Variants in GPR39 observed in about 807,000 individuals in gnomAD.
GPR39 encodes zinc sensing receptor.
A neutral mutation model predicts 18.4 loss-of-function variants in GPR39; 23 were observed. The observed-to-expected ratio is 1.25, with a 90% confidence interval of 0.90 to 1.77. The LOEUF (loss-of-function observed/expected upper bound fraction) is 1.77. Among genes scored for constraint, GPR39 ranks in the 40% most tolerant of loss-of-function variants. The pLI is 0.00. For synonymous variants in GPR39, 280 were observed against 257.9 expected (o/e 1.09, Z -0.82); for missense variants, 647 against 602.4 (o/e 1.07, Z -0.78).
At chr2:132,487,495 C>T (rs955436349) in intron 1 of GPR39, among the ~76,000 whole-genome samples, 3 of 152,048 alleles carry the variant, frequency 2.0e-5, no homozygotes, top group East Asian at 1.9e-4. Flanking sequence ...TATTAATAGA[C>T]ACAGATTATA....
intron 1 of GPR39, among the ~76,000 whole-genome samples, chr2:132,496,030 G>A (rs1681635356): frequency 6.6e-6 from 1 of 152,142 alleles, no homozygotes; most frequent in South Asian, 2.1e-4. Flanking sequence ...AGCCATTTCA[G>A]CATCGGACTT....
At chr2:132,502,296 T>G (rs1679056304) in intron 1 of GPR39, among the ~76,000 whole-genome samples, 1 of 152,210 alleles carries the variant, frequency 6.6e-6, no homozygotes, top group African/African-American at 2.4e-5. Context: ...TCTCAGCGTT[T>G]GTTTGTTTGG....
intron 1 of GPR39, among the ~76,000 whole-genome samples, chr2:132,481,119 C>T (rs16832048): frequency 0.023 from 3,531 of 152,282 alleles, 141 homozygotes; most frequent in African/African-American, 0.081. Context: ...GAACACAATG[C>T]CCTTACCTTT....
At chr2:132,567,179 G>C (rs751827198) in intron 1 of GPR39, among the ~76,000 whole-genome samples, 1 of 152,146 alleles carries the variant, frequency 6.6e-6, no homozygotes, top group Non-Finnish European at 1.5e-5. Context: ...AAAATTAACC[G>C]GGCATGGCGG....
chr2:132,534,812 G>GGGAA (rs1206521046), intron 1 of GPR39, among the ~76,000 whole-genome samples: 5 of 151,868 alleles, frequency 3.3e-5, no homozygotes, highest in African/African-American at 9.7e-5. Flanking sequence ...ACACAGGAAG[G>GGGAA]GGAACATCAC....
intron 1 of GPR39, among the ~76,000 whole-genome samples, chr2:132,533,873 T>G (rs1375505137): frequency 2.0e-5 from 3 of 152,142 alleles, no homozygotes; most frequent in Non-Finnish European, 4.4e-5. Flanking sequence ...ATGTTAGACC[T>G]AAAACCATAA....
intron 1 of GPR39, among the ~76,000 whole-genome samples, chr2:132,573,582 G>C (rs949376390): frequency 6.6e-6 from 1 of 152,112 alleles, no homozygotes; most frequent in Non-Finnish European, 1.5e-5. Context: ...GAGCCAAAGT[G>C]GGAACAATTC....
intron 1 of GPR39, among the ~76,000 whole-genome samples, chr2:132,566,599 GA>G (rs1464098865): frequency 6.6e-6 from 1 of 152,196 alleles, no homozygotes; most frequent in African/African-American, 2.4e-5. Flanking sequence ...CATGACCCAT[GA>G]AACGTTTTTG....
intron 1 of GPR39, among the ~76,000 whole-genome samples, chr2:132,495,626 C>T (rs558136403): frequency 7.2e-5 from 11 of 152,134 alleles, no homozygotes; most frequent in Admixed American, 2.0e-4. Flanking sequence ...CCTTCCTTGC[C>T]GAACTCATCA....
intron 1 of GPR39, among the ~76,000 whole-genome samples, chr2:132,455,855 G>A (rs190689024): frequency 6.6e-5 from 10 of 152,174 alleles, no homozygotes; most frequent in African/African-American, 2.4e-4. Context: ...AGTTTGTTGT[G>A]ATTTCTCTTG....
chr2:132,591,531 T>C (rs537579715), intron 1 of GPR39, among the ~76,000 whole-genome samples: 3 of 152,298 alleles, frequency 2.0e-5, no homozygotes, highest in Admixed American at 1.3e-4. Flanking sequence ...AGAGGGCCTA[T>C]TGTGGGACTT....
intron 1 of GPR39, among the ~76,000 whole-genome samples, chr2:132,526,681 C>T (rs114412394): frequency 0.019 from 2,832 of 152,292 alleles, 38 homozygotes; most frequent in Middle Eastern, 0.031. Context: ...TGGACTTTCT[C>T]TGCTGCCTTT....
intron 1 of GPR39, among the ~76,000 whole-genome samples, chr2:132,474,051 G>A (rs1180994433): frequency 2.6e-5 from 4 of 152,186 alleles, no homozygotes; most frequent in Non-Finnish European, 2.9e-5. Flanking sequence ...AAAGCACTAC[G>A]ACATGACATC....
At chr2:132,641,889 A>G (rs1472482837) in intron 1 of GPR39, among the ~76,000 whole-genome samples, 2 of 152,246 alleles carry the variant, frequency 1.3e-5, no homozygotes, top group Non-Finnish European at 2.9e-5. Context: ...ATAGCAAACA[A>G]TATTGTGTTT....
chr2:132,529,312 G>A (rs1283277470), intron 1 of GPR39, among the ~76,000 whole-genome samples: 4 of 152,218 alleles, frequency 2.6e-5, no homozygotes, highest in East Asian at 1.9e-4. Flanking sequence ...GGGGAGGGGC[G>A]CCCGCCATTG....
intron 1 of GPR39, among the ~76,000 whole-genome samples, chr2:132,435,133 G>A (rs945238742): frequency 6.6e-6 from 1 of 152,092 alleles, no homozygotes; most frequent in African/African-American, 2.4e-5. Context: ...AGAAGGGCTG[G>A]TACCATATGG....
At chr2:132,558,169 G>A (rs558854318) in intron 1 of GPR39, among the ~76,000 whole-genome samples, 3 of 151,996 alleles carry the variant, frequency 2.0e-5, no homozygotes, top group Admixed American at 6.5e-5. Context: ...CTACAGAAGC[G>A]TCATCCTCCT....
chr2:132,569,342 A>T (rs1300918651), intron 1 of GPR39, among the ~76,000 whole-genome samples: 1 of 152,064 alleles, frequency 6.6e-6, no homozygotes, highest in Non-Finnish European at 1.5e-5. Context: ...GTCAGCACAG[A>T]TGTTGGGCCC....
At position 132,539,678 on chromosome 2, in the gene GPR39, G is replaced by A. The variant is rs545116985; in HGVS notation, c.857-105423G>A. Among the ~76,000 whole-genome samples the A allele has an allele frequency of 2.6e-5, 4 of 152,254 alleles. No homozygotes were observed. In the East Asian group the frequency reaches 7.7e-4, roughly 29 times the overall value. ...AATTTGGGGAGTGCTTGCCTGGGTG[G>A]TTCCTCTCTGATCCATGGGAACTTA... On this transcript the variant is annotated intron_variant, in intron 1 of 1. Coordinates refer to ENST00000329321, the MANE Select transcript of GPR39 (RefSeq NM_001508.3).
Sources: gnomAD v4.1 joint callset for allele counts (sites outside exome capture counted in the v4.1 genomes callset) on GRCh38, gnomAD v4.1.1 for gene constraint, MANE v1.5 for transcripts, NCBI Gene and HGNC (gene_info 2026-07-23, HGNC 2026-07-21) for gene names.